STK39: variants seen among roughly 807,000 people sequenced by gnomAD.
STK39 encodes the protein serine/threonine kinase 39.
A neutral mutation model predicts 77.8 loss-of-function variants in STK39; 20 were observed. The ratio of observed to expected loss-of-function variants is 0.26; its 90% confidence interval spans 0.18 to 0.37. STK39 has a LOEUF of 0.37. Ranked by LOEUF, STK39 falls within the 10% of genes least tolerant of loss-of-function variation. STK39 has a pLI of 1.00. For missense variants in STK39, 479 were observed against 656.5 expected, an observed-to-expected ratio of 0.73 and a Z score of 2.95; for synonymous variants, 246 against 234.1, an observed-to-expected ratio of 1.05 and a Z score of -0.47.
chr2:168,038,914 T>C (rs185919832), intron 14 of STK39, among the ~76,000 whole-genome samples: 17 of 152,320 alleles, frequency 1.1e-4, no homozygotes, highest in Admixed American at 7.8e-4. Context: ...AACAAGAATG[T>C]AGAGGAACTA....
rs182851823 is a variant in STK39 at position 167,969,966 on chromosome 2, C to T, written c.1499-5240G>A. On this transcript the variant is annotated intron_variant, in intron 16 of 17. Coordinates refer to ENST00000355999, the MANE Select transcript of STK39 (RefSeq NM_013233.3). Reference sequence around the variant, plus strand: ...TTATCCCTCACCACTCTCTCCCTTGCTGCTCCTGCTCCAGCCACACAGCCT... The same window carrying T: ...TTATCCCTCACCACTCTCTCCCTTGTTGCTCCTGCTCCAGCCACACAGCCT... Among the ~76,000 whole-genome samples the T allele has an allele frequency of 2.0e-5, 3 of 152,354 alleles. No homozygotes were observed. In the East Asian group the frequency reaches 5.8e-4, roughly 29 times the overall value.
chr2:168,082,875 A>G (rs1422890279), intron 10 of STK39, among the ~76,000 whole-genome samples: 2 of 152,156 alleles, frequency 1.3e-5, no homozygotes, highest in Non-Finnish European at 2.9e-5. Context: ...TCATTCTGAC[A>G]CTTCTCCAGT....
At chr2:168,015,569 G>A (rs538191405) in intron 15 of STK39, among the ~76,000 whole-genome samples, 1 of 152,286 alleles carries the variant, frequency 6.6e-6, no homozygotes, top group Admixed American at 6.5e-5. Flanking sequence ...AGTGCCCATG[G>A]TCCAGTAATG....
intron 1 of STK39, among the ~76,000 whole-genome samples, chr2:168,193,996 C>T (rs772486342): frequency 1.3e-5 from 2 of 152,218 alleles, no homozygotes; most frequent in Non-Finnish European, 2.9e-5. Flanking sequence ...AAAGCAGATG[C>T]CTCGGCGTCA....
At chr2:167,971,719 T>C (rs551635526) in intron 16 of STK39, among the ~76,000 whole-genome samples, 1 of 152,372 alleles carries the variant, frequency 6.6e-6, no homozygotes. Flanking sequence ...GCTTAGTTAC[T>C]ATCCCAATAC....
chr2:168,018,466 TTGGGTGGCA>T (rs1312526721), intron 14 of STK39, among the ~76,000 whole-genome samples: 1 of 148,240 alleles, frequency 6.7e-6, no homozygotes, highest in Non-Finnish European at 1.5e-5. Flanking sequence ...GCATTACAGC[TTGGGTGGCA>T]GAGCAAGAGT....
chr2:168,125,351 C>T (rs1285245899), intron 10 of STK39, among the ~76,000 whole-genome samples: 3 of 152,090 alleles, frequency 2.0e-5, no homozygotes, highest in Non-Finnish European at 4.4e-5. Flanking sequence ...GCTTTCAAAC[C>T]CCAAGACATG....
At chr2:167,970,889 T>TG (rs1692320366) in intron 16 of STK39, among the ~76,000 whole-genome samples, 1 of 152,228 alleles carries the variant, frequency 6.6e-6, no homozygotes, top group Admixed American at 6.5e-5. Context: ...TTATTTTTTT[T>TG]GTCCATAAAT....
chr2:168,220,853 T>G (rs1395678155), intron 1 of STK39, among the ~76,000 whole-genome samples: 4 of 152,152 alleles, frequency 2.6e-5, no homozygotes, highest in African/African-American at 7.2e-5. Context: ...CCACCTTCAA[T>G]TAAATCTAGG....
chr2:168,095,623 CTT>C (rs567675524), intron 10 of STK39, among the ~76,000 whole-genome samples: 5 of 116,082 alleles, frequency 4.3e-5, no homozygotes, highest in East Asian at 2.5e-4. Context: ...GTATCTCTTT[CTT>C]TTTTTTTTTT....
intron 16 of STK39, among the ~76,000 whole-genome samples, chr2:167,977,220 T>A (rs1048579132): frequency 6.6e-6 from 1 of 152,220 alleles, no homozygotes; most frequent in Non-Finnish European, 1.5e-5. Context: ...GGTATTTTGA[T>A]CCTGAATTTC....
intron 15 of STK39, among the ~76,000 whole-genome samples, chr2:168,015,655 T>G (rs1023514678): frequency 1.3e-5 from 2 of 152,218 alleles, no homozygotes; most frequent in Non-Finnish European, 2.9e-5. Context: ...TTAAAATTGA[T>G]TTTCATTGCC....
intron 17 of STK39, among the ~76,000 whole-genome samples, chr2:167,956,408 T>C (rs1691764482): frequency 6.6e-6 from 1 of 151,862 alleles, no homozygotes. Flanking sequence ...ATACAAAAAA[T>C]TAGCCAGGTT....
chr2:168,116,906 C>T (rs1174536910), intron 10 of STK39, among the ~76,000 whole-genome samples: 2 of 152,152 alleles, frequency 1.3e-5, no homozygotes, highest in African/African-American at 4.8e-5. Context: ...AAAAGTGGAG[C>T]GTACTAAAAC....
At chr2:168,183,571 T>G (rs1440415050) in intron 1 of STK39, among the ~76,000 whole-genome samples, 1 of 152,198 alleles carries the variant, frequency 6.6e-6, no homozygotes, top group African/African-American at 2.4e-5. Context: ...CTCACTTGTT[T>G]TGGCCTTGCT....
intron 10 of STK39, among the ~76,000 whole-genome samples, chr2:168,121,585 A>G (rs1687407085): frequency 6.6e-6 from 1 of 152,194 alleles, no homozygotes; most frequent in African/African-American, 2.4e-5. Flanking sequence ...GTAGGCATCC[A>G]TAGGCTTTTC....
At chr2:168,165,097 T>C (rs1319839955) in intron 3 of STK39, among the ~76,000 whole-genome samples, 1 of 152,206 alleles carries the variant, frequency 6.6e-6, no homozygotes, top group Non-Finnish European at 1.5e-5. Flanking sequence ...TGTTGACTCT[T>C]AGATTTTTGT....
At chr2:168,176,953 T>G (rs1020134473) in intron 2 of STK39, among the ~76,000 whole-genome samples, 5 of 152,182 alleles carry the variant, frequency 3.3e-5, no homozygotes, top group African/African-American at 1.2e-4. Context: ...CATAGATTCA[T>G]AGCACTTGGG....
intron 14 of STK39, among the ~76,000 whole-genome samples, chr2:168,028,404 T>C (rs750727390): frequency 2.0e-5 from 3 of 152,220 alleles, no homozygotes; most frequent in Non-Finnish European, 4.4e-5. Context: ...TGCTGCTTCC[T>C]GTCAAGATTA....
Sources: gnomAD v4.1 joint callset for allele counts (sites outside exome capture counted in the v4.1 genomes callset) on GRCh38, gnomAD v4.1.1 for gene constraint, MANE v1.5 for transcripts, NCBI Gene and HGNC (gene_info 2026-07-23, HGNC 2026-07-21) for gene names.